C12orf56: variants seen among roughly 807,000 people sequenced by gnomAD.
C12orf56 encodes uncharacterized protein C12orf56.
C12orf56 carries 71 observed loss-of-function variants against 69.9 expected under a neutral mutation model. The observed-to-expected ratio is 1.02, with a 90% CI of 0.84 to 1.24. The LOEUF (loss-of-function observed/expected upper bound fraction) is 1.24. Ranked by LOEUF, C12orf56 falls within the 50% of genes most tolerant of loss-of-function variation. The probability of loss-of-function intolerance (pLI) is 0.00; values close to 1 mark genes in which losing one functional copy is unlikely to be tolerated. For synonymous variants in C12orf56, 276 were observed against 274.1 expected, an observed-to-expected ratio of 1.01 and a Z score of -0.07; for missense variants, 732 against 738.5, an observed-to-expected ratio of 0.99 and a Z score of 0.10.
At chr12:64,270,436 A>G in intron 12 of C12orf56, 100 bp downstream of exon 12, 3 of 1,034,878 alleles carry the variant, frequency 2.9e-6, no homozygotes, top group Non-Finnish European at 4.0e-6. Context: ...ATTCCTGATA[A>G]ATACCTAATC....
intron 1 of C12orf56, 114 bp from the exon 2 acceptor site, chr12:64,353,170 T>TA: frequency 1.9e-6 from 2 of 1,045,164 alleles, no homozygotes; most frequent in South Asian, 1.5e-5. Flanking sequence ...TATATATATA[T>TA]TTTTCAAAAC....
intron 1 of C12orf56, among the ~76,000 whole-genome samples, chr12:64,364,422 G>A (rs2039438210): frequency 6.6e-6 from 1 of 152,082 alleles, no homozygotes; most frequent in Non-Finnish European, 1.5e-5. Flanking sequence ...ACCTGTTTTT[G>A]CTCAAGGGTA....
At chr12:64,338,417 T>A in intron 2 of C12orf56, 1 of 753,650 alleles carries the variant, frequency 1.3e-6, no homozygotes. Flanking sequence ...GGTGGCAACT[T>A]TGTACATAGG....
intron 1 of C12orf56, among the ~76,000 whole-genome samples, chr12:64,368,055 G>A (rs1485285771): frequency 6.6e-6 from 1 of 152,000 alleles, no homozygotes; most frequent in Non-Finnish European, 1.5e-5. Context: ...TGATCCACCC[G>A]CCTCAGCCTC....
chr12:64,283,523 C>G (rs2038158661), intron 8 of C12orf56, among the ~76,000 whole-genome samples: 1 of 152,210 alleles, frequency 6.6e-6, no homozygotes, highest in Non-Finnish European at 1.5e-5. Flanking sequence ...ACTACAGACA[C>G]ATTTCCAGCC....
At chr12:64,390,268 G>A in intron 1 of C12orf56, 46 bp downstream of exon 1, 2 of 1,549,836 alleles carry the variant, frequency 1.3e-6, no homozygotes, top group East Asian at 4.7e-5. Flanking sequence ...CCAGCCGGGA[G>A]TTCTCACTGC....
rs1328249472 is a variant in C12orf56 at position 64,283,142 on chromosome 12, C to CA, written c.1310+1521dup. Among the ~76,000 whole-genome samples the CA allele has an allele frequency of 7.7e-4, 105 of 135,960 alleles. 1 individual carries two copies. Among genetic ancestry groups the CA allele is most frequent in the Admixed American group, 3.9e-3 (51 of 13,216 alleles). The allele number at this position is 135,960 out of a possible 152,430, so 89.2% of individuals were successfully genotyped here. A position where few individuals can be genotyped will look rare whatever the true frequency, so the allele number is the denominator to read the frequency against. Reference sequence around the variant, plus strand: ...GGACAACAAGAGTGAAGCGCTGTCTCAAAAAAAAAAGAAAAAAGAAAGAAA... The same window carrying CA: ...GGACAACAAGAGTGAAGCGCTGTCTCAAAAAAAAAAAGAAAAAAGAAAGAAA... On this transcript the variant is annotated intron_variant, in intron 8 of 12. Transcript: ENST00000543942.
At chr12:64,320,395 G>T (rs1487481534) in intron 3 of C12orf56, among the ~76,000 whole-genome samples, 2 of 152,058 alleles carry the variant, frequency 1.3e-5, no homozygotes, top group Admixed American at 1.3e-4. Flanking sequence ...GGGCTCAAAT[G>T]ATCTGCCCAC....
In C12orf56 at chr12:64,330,940, A is replaced by G; in HGVS notation, c.488+20T>C. 2 of 1,522,830 alleles carry G rather than the reference A, an allele frequency of 1.3e-6. No individual in the cohort carries two copies. The highest frequency in any genetic ancestry group is 2.4e-5 in the East Asian group (1 of 41,012). 94.3% of individuals were successfully genotyped at this position (1,522,830 alleles called of 1,614,324 possible). On this transcript the variant is annotated intron_variant, in intron 3 of 12. Coordinates refer to ENST00000543942, the MANE Select transcript of C12orf56 (RefSeq NM_001170633.2). The stretch of plus-strand genomic sequence containing the variant: ...GTTTTGGTTAGCAAGTTAAACACAT[A>G]CTCCAAACAACAATCTCACCTGAGA...
rs1565731924 is a variant in C12orf56, at chr12:64,270,580, C to T, written c.1719G>A (p.Arg573=). 6.2e-7 allele frequency: 1 copy of T among 1,612,044 alleles called. No homozygotes were observed. The highest frequency in any genetic ancestry group is 8.5e-7 in the Non-Finnish European group (1 of 1,179,208). ...TATTCCTAATATACTCAGCTAGAGT[C>T]CTGCTGTGCCGCAGACAGCTCTTGA... ...YILKSCLRHS[R]TLAEYIRNNY... Residue 573 remains arginine, a synonymous_variant, in exon 12 of 13, where the codon AGG becomes AGA. Transcript: ENST00000543942.
rs745541920 is a variant in C12orf56 at position 64,330,962 on chromosome 12, G to T, written c.486C>A (p.Leu162=). 4 of 1,551,830 alleles carry T rather than the reference G, an allele frequency of 2.6e-6. No homozygotes were observed. The highest frequency in any genetic ancestry group is 3.5e-6 in the Non-Finnish European group (4 of 1,146,204). ...KESRSLKESP[L]RDQQESSTPS... The stretch of plus-strand genomic sequence containing the variant: ...CATACTCCAAACAACAATCTCACCT[G>T]AGAGGAGATTCTTTCAGACTTCTGG... Residue 162 remains leucine, a splice_region_variant and synonymous_variant, in exon 3 of 13, where the codon CTC becomes CTA. Coordinates refer to ENST00000543942, the MANE Select transcript of C12orf56 (RefSeq NM_001170633.2).
At chr12:64,325,560 A>C (rs7485874) in intron 3 of C12orf56, among the ~76,000 whole-genome samples, 67,962 of 151,988 alleles carry the variant, frequency 0.45, 15,562 homozygotes, top group African/African-American at 0.54. Flanking sequence ...AAAAGGCAGA[A>C]TAGTACACAT....
rs753646767 is a variant in C12orf56 at position 64,318,902 on chromosome 12, A to G, written c.567T>C (p.His189=). ...PRPGLKKLSL[H]GQGAFRPLPS... is the part of the protein sequence containing the mutation. Reference sequence around the variant, plus strand: ...GTAGGGGTCGAAAGGCACCTTGGCCATGAAGGGACAGCTTTTTGAGGCCTG... The same window carrying G: ...GTAGGGGTCGAAAGGCACCTTGGCCGTGAAGGGACAGCTTTTTGAGGCCTG... The change falls in exon 4 of 13, where the codon CAT becomes CAC. Residue 189 remains histidine (H), a synonymous_variant. Transcript: ENST00000543942. The G allele has an allele frequency of 2.0e-6, 3 of 1,537,150 alleles. No individual in the cohort carries two copies. In the South Asian group the frequency reaches 3.6e-5, roughly 18 times the overall value.
intron 5 of C12orf56, among the ~76,000 whole-genome samples, chr12:64,304,179 T>C (rs1330911250): frequency 2.6e-5 from 4 of 152,124 alleles, no homozygotes; most frequent in African/African-American, 9.7e-5. Flanking sequence ...CAGTATCACT[T>C]GGTGTAAATG....
chr12:64,321,189 A>G (rs1352613347), intron 3 of C12orf56, among the ~76,000 whole-genome samples: 1 of 152,228 alleles, frequency 6.6e-6, no homozygotes, highest in Non-Finnish European at 1.5e-5. Flanking sequence ...AAAACTGGAA[A>G]CAATATGTGC....
chr12:64,353,928 G>A (rs983868377), intron 1 of C12orf56, among the ~76,000 whole-genome samples: 1 of 151,888 alleles, frequency 6.6e-6, no homozygotes, highest in Admixed American at 6.6e-5. Flanking sequence ...TGATCCACCT[G>A]CCTCGGCCTC....
intron 1 of C12orf56, among the ~76,000 whole-genome samples, chr12:64,385,944 T>A (rs139240511): frequency 3.9e-5 from 6 of 152,076 alleles, no homozygotes; most frequent in Admixed American, 1.3e-4. Flanking sequence ...GGAGGATCAT[T>A]TGAGGACAGG....
At chr12:64,383,799 C>G (rs1006984301) in intron 1 of C12orf56, among the ~76,000 whole-genome samples, 1 of 152,068 alleles carries the variant, frequency 6.6e-6, no homozygotes, top group Non-Finnish European at 1.5e-5. Context: ...CTTTGTTATA[C>G]GTTTACCCAT....
chr12:64,328,536 T>C (rs1482506718), intron 3 of C12orf56, among the ~76,000 whole-genome samples: 3 of 151,090 alleles, frequency 2.0e-5, no homozygotes, highest in Non-Finnish European at 1.5e-5. Context: ...AAAAATTAGC[T>C]GGACATGGTG....
Sources: allele counts gnomAD v4.1 joint callset (sites outside exome capture counted in the v4.1 genomes callset), GRCh38; gene constraint gnomAD v4.1.1; transcripts MANE v1.5; gene names NCBI Gene and HGNC (gene_info 2026-07-23, HGNC 2026-07-21).